The following CACNA1S variants were observed in gnomAD, a reference collection of about 807,000 sequenced individuals.
CACNA1S encodes the protein calcium voltage-gated channel subunit alpha1 S.
In CACNA1S, 126 loss-of-function variants were observed where a neutral mutation model predicts 207.4. That is an observed-to-expected ratio of 0.61 (90% CI 0.53 to 0.70). The LOEUF is 0.70. CACNA1S is among the 30% of genes least tolerant of loss of function. The pLI is 0.00. For missense variants in CACNA1S, 2,349 were observed against 2,422.8 expected (o/e 0.97, Z 0.64); for synonymous variants, 960 against 932.7 (o/e 1.03, Z -0.53).
chr1:201,071,943 C>T lies in CACNA1S; in HGVS notation c.2227+812G>A, dbSNP rs547576455. On this transcript the variant is annotated intron_variant, in intron 16 of 43. Coordinates refer to ENST00000362061, the MANE Select transcript of CACNA1S (RefSeq NM_000069.3). ...ACTGTGCTGTGTGGAACACAAAAGT[C>T]CCCCTGGAGCTTAGAGTCACTGGGG... is the stretch of plus-strand genomic sequence containing the variant. Among the ~76,000 whole-genome samples the T allele has an allele frequency of 5.3e-5, 8 of 152,342 alleles. No individual in the cohort carries two copies. The South Asian group carries it at 1.2e-3, about 24-fold the overall frequency.
At chr1:201,048,946 C>G in intron 35 of CACNA1S, 57 bp downstream of exon 35, 3 of 1,372,642 alleles carry the variant, frequency 2.2e-6, no homozygotes, top group Middle Eastern at 1.8e-4. Flanking sequence ...CAGTTTCCCT[C>G]TGCCTCAGTG....
In CACNA1S at chr1:201,066,108, T is replaced by C. The variant is rs1661229685; in HGVS notation, c.2745+121A>G. The C allele has an allele frequency of 8.6e-6, 9 of 1,040,870 alleles. No individual in the cohort carries two copies. Among genetic ancestry groups the C allele is most frequent in the Non-Finnish European group, 1.3e-5 (9 of 673,208 alleles). The allele number at this position is 1,040,870 out of a possible 1,614,324, so 64.5% of individuals were successfully genotyped here. On this transcript the variant is annotated intron_variant, in intron 21 of 43. Coordinates refer to ENST00000362061, the MANE Select transcript of CACNA1S (RefSeq NM_000069.3). This position sits in a 1 kb window ranked among gnomAD's most constrained non-coding sequence, Gnocchi z 4.3. Reference sequence around the variant, plus strand: ...GCTACCCCAGCCTCATCCTTACCCCTATCTGCCCAGGGAGATGGGACAGGG... The same window carrying C: ...GCTACCCCAGCCTCATCCTTACCCCCATCTGCCCAGGGAGATGGGACAGGG...
intron 40 of CACNA1S, among the ~76,000 whole-genome samples, chr1:201,042,246 T>G (rs998766579): frequency 2.6e-4 from 39 of 152,362 alleles, no homozygotes; most frequent in Middle Eastern, 3.4e-3. Context: ...GAGATTCTTC[T>G]GCCTCAGCCT....
At chr1:201,058,238 G>A (rs1172780808) in intron 28 of CACNA1S, among the ~76,000 whole-genome samples, 170 bp downstream of exon 28, 2 of 152,160 alleles carry the variant, frequency 1.3e-5, no homozygotes, top group Non-Finnish European at 2.9e-5. Flanking sequence ...TTACCTCTCT[G>A]CCCAGCAGGA....
At chr1:201,048,525 G>A in intron 36 of CACNA1S, 57 bp downstream of exon 36, 2 of 1,366,516 alleles carry the variant, frequency 1.5e-6, no homozygotes, top group Non-Finnish European at 2.1e-6. Flanking sequence ...GGCAGAATCT[G>A]TGCCAGAAAC....
At chr1:201,085,608 AG>A (rs781221232) in intron 7 of CACNA1S, 27 bp from the exon 8 acceptor site, 1 of 1,613,148 alleles carries the variant, frequency 6.2e-7, no homozygotes, top group South Asian at 1.1e-5. Context: ...GAGCCAGGAG[AG>A]GAGGAGAAGA....
rs148314573 is a variant in CACNA1S at position 201,062,887 on chromosome 1, C to G, written c.2854-373G>C. Among the ~76,000 whole-genome samples, 475 of 152,334 alleles carry G rather than the reference C, an allele frequency of 3.1e-3. 5 individuals are homozygous for G. Among genetic ancestry groups the G allele is most frequent in the African/African-American group, 0.011 (468 of 41,578 alleles). The stretch of plus-strand genomic sequence containing the variant: ...CCTCGGGGAGCTGAGCCTCTGAGCC[C>G]CTTACCTCCCGCACTGCTGCAGGAG... On this transcript the variant is annotated intron_variant, in intron 22 of 43. Coordinates refer to ENST00000362061, the MANE Select transcript of CACNA1S (RefSeq NM_000069.3).
At chr1:201,096,801 G>T (rs909902509) in intron 2 of CACNA1S, among the ~76,000 whole-genome samples, 2 of 152,190 alleles carry the variant, frequency 1.3e-5, no homozygotes, top group African/African-American at 4.8e-5. Context: ...ATTCTTATGA[G>T]ACACGTGGGC....
chr1:201,110,959 G>T (rs1663077943), intron 1 of CACNA1S, among the ~76,000 whole-genome samples: 1 of 152,196 alleles, frequency 6.6e-6, no homozygotes, highest in African/African-American at 2.4e-5. Flanking sequence ...GAGTTGTTTG[G>T]GGGTGGATGG....
At chr1:201,101,949 T>C (rs1257733825) in intron 2 of CACNA1S, among the ~76,000 whole-genome samples, 1 of 151,970 alleles carries the variant, frequency 6.6e-6, no homozygotes, top group African/African-American at 2.4e-5. Context: ...CAGCATATGT[T>C]GAGATGAAGC....
At chr1:201,106,248 G>C (rs1001461873) in intron 2 of CACNA1S, among the ~76,000 whole-genome samples, 1 of 150,284 alleles carries the variant, frequency 6.7e-6, no homozygotes, top group Non-Finnish European at 1.5e-5. Flanking sequence ...ACCATCACCA[G>C]TGCCTTGGCC....
In CACNA1S at chr1:201,087,834, G is replaced by T; in HGVS notation, c.996C>A (p.Val332=). ...SFFILNLVLG[V]LSGEFTKERE... is the part of the protein sequence containing the mutation. ...ACCTTTGAATTTCTTACCCACTCAG[G>T]ACACCCAGCACCAGGTTGAGGATGA... The change falls in exon 7 of 44, where the codon GTC becomes GTA. Residue 332 remains valine, a synonymous_variant. Coordinates refer to ENST00000362061, the MANE Select transcript of CACNA1S (RefSeq NM_000069.3). The T allele has an allele frequency of 6.2e-7, 1 of 1,610,450 alleles. No homozygotes were observed. The highest frequency in any genetic ancestry group is 8.5e-7 in the Non-Finnish European group (1 of 1,177,128).
intron 2 of CACNA1S, among the ~76,000 whole-genome samples, chr1:201,108,049 A>T (rs1019970755): frequency 1.7e-4 from 26 of 152,294 alleles, no homozygotes; most frequent in Non-Finnish European, 2.9e-4. Context: ...CACGTGAAAC[A>T]GTTAAGGGAG....
intron 41 of CACNA1S, among the ~76,000 whole-genome samples, chr1:201,041,257 G>A (rs1015655100): frequency 6.6e-6 from 1 of 152,156 alleles, no homozygotes; most frequent in African/African-American, 2.4e-5. Context: ...CCTGCAGAGG[G>A]CCCTTTAGCA....
Position 201,062,483 on chromosome 1 carries a change from T to G in CACNA1S, c.2885A>C (p.Lys962Thr). 6.2e-7 allele frequency: 1 copy of G among 1,613,992 alleles called. No homozygotes were observed. The highest frequency in any genetic ancestry group is 8.5e-7 in the Non-Finnish European group (1 of 1,179,988). ...GKFFRCTDLS[K>T]MTEEECRGYY... is the part of the protein sequence containing the mutation. ...GTACCTGCACTCCTCCTCTGTCATC[T>G]TGGACAAGTCGGTGCACCTGAAGAA... The change falls in exon 23 of 44, where the codon AAG (lysine) becomes ACG (threonine). Residue 962 changes from lysine to threonine, a missense_variant. Transcript: ENST00000362061.
intron 2 of CACNA1S, among the ~76,000 whole-genome samples, chr1:201,104,802 A>G (rs956510766): frequency 6.6e-6 from 1 of 152,190 alleles, no homozygotes; most frequent in Non-Finnish European, 1.5e-5. Context: ...GCTTTTCCAC[A>G]TTGGTCCCCT....
At chr1:201,092,405 G>C (rs1662269532) in intron 3 of CACNA1S, among the ~76,000 whole-genome samples, 1 of 152,166 alleles carries the variant, frequency 6.6e-6, no homozygotes, top group Non-Finnish European at 1.5e-5. Context: ...CACAGGGACA[G>C]TCCCTGGCCC....
chr1:201,045,838 C>T (rs12122809), intron 38 of CACNA1S, among the ~76,000 whole-genome samples: 28,876 of 150,022 alleles, frequency 0.19, 3,516 homozygotes, highest in Non-Finnish European at 0.28. Context: ...CCTTGTAATA[C>T]ACATTTTGCC....
intron 2 of CACNA1S, among the ~76,000 whole-genome samples, chr1:201,095,336 C>T (rs1021696799): frequency 8.5e-5 from 13 of 152,104 alleles, no homozygotes; most frequent in Admixed American, 8.5e-4. Flanking sequence ...GGACCAGGGG[C>T]CCACCCCATC....
Sources: gnomAD v4.1 joint callset for allele counts (sites outside exome capture counted in the v4.1 genomes callset) on GRCh38, gnomAD v4.1.1 for gene constraint, Gnocchi (gnomAD v3.1) non-coding constraint, MANE v1.5 for transcripts, NCBI Gene and HGNC (gene_info 2026-07-23, HGNC 2026-07-21) for gene names.